Variants in CADM2 observed in about 807,000 individuals in gnomAD.
CADM2 encodes the protein immunoglobulin superfamily member 4D.
A neutral mutation model predicts 49.8 loss-of-function variants in CADM2; 12 were observed. That is an observed-to-expected ratio of 0.24 (90% CI 0.15 to 0.39). CADM2 has a LOEUF of 0.39. Among genes scored for constraint, CADM2 ranks in the 10% least tolerant of loss-of-function variants. CADM2 has a pLI of 1.00. For missense variants in CADM2, 378 were observed against 492.3 expected (o/e 0.77, Z 2.20); for synonymous variants, 214 against 175.4 (o/e 1.22, Z -1.74).
Position 85,873,980 on chromosome 3 carries a change from T to A in CADM2, c.239-9311T>A, listed in dbSNP as rs1711502967. ...TTCCGTAGCAAAAATATATTGGCAA[T>A]GAAAAATATTAAACTCATTTCATAG... is the stretch of plus-strand genomic sequence containing the variant. On this transcript the variant is annotated intron_variant, in intron 3 of 9. Transcript: ENST00000383699. 8.5e-5 allele frequency among the ~76,000 whole-genome samples: 13 copies of A among 152,124 alleles called. 1 individual carries two copies. In the South Asian group the frequency reaches 2.7e-3, roughly 31 times the overall value.
At chr3:85,920,527 G>C (rs1345715139) in intron 6 of CADM2, among the ~76,000 whole-genome samples, 2 of 151,736 alleles carry the variant, frequency 1.3e-5, no homozygotes, top group Non-Finnish European at 3.0e-5. Context: ...AATAAAGATA[G>C]CCTAGAGTGT....
intron 1 of CADM2, among the ~76,000 whole-genome samples, chr3:85,442,795 G>T (rs891251346): frequency 7.3e-5 from 11 of 151,120 alleles, no homozygotes; most frequent in Non-Finnish European, 1.6e-4. Flanking sequence ...TGAATATTTT[G>T]AAGAGAACTT....
chr3:85,409,871 C>T (rs2035578005), intron 1 of CADM2, among the ~76,000 whole-genome samples: 2 of 152,050 alleles, frequency 1.3e-5, no homozygotes, highest in Admixed American at 1.3e-4. Flanking sequence ...AGGAAAAAAA[C>T]TCAAAATCAA....
chr3:85,466,914 CTT>C (rs946195983), intron 1 of CADM2, among the ~76,000 whole-genome samples: 14 of 151,976 alleles, frequency 9.2e-5, no homozygotes, highest in African/African-American at 3.1e-4. Context: ...TTGGAACTAA[CTT>C]AACATTTTGA....
Position 85,550,040 on chromosome 3 carries a change from A to G in CADM2, c.62-176482A>G, listed in dbSNP as rs186326279. 3.3e-5 allele frequency among the ~76,000 whole-genome samples: 5 copies of G among 152,274 alleles called. No individual in the cohort carries two copies. The East Asian group carries it at 9.7e-4, about 29-fold the overall frequency. ...TATGTGACATAATATAATTTATTTC[A>G]TAATCCCAACACTCTTAGGAGGCAA... On this transcript the variant is annotated intron_variant, in intron 1 of 9. Coordinates refer to ENST00000383699, the MANE Select transcript of CADM2 (RefSeq NM_001167675.2).
intron 7 of CADM2, among the ~76,000 whole-genome samples, chr3:85,955,392 G>A: frequency 6.6e-6 from 1 of 151,456 alleles, no homozygotes; most frequent in East Asian, 2.0e-4. Flanking sequence ...TTCCACACCA[G>A]GAAGATTCTT....
intron 1 of CADM2, among the ~76,000 whole-genome samples, chr3:85,330,102 C>T (rs1160625462): frequency 6.6e-6 from 1 of 152,046 alleles, no homozygotes; most frequent in African/African-American, 2.4e-5. Flanking sequence ...ATTTCAGGTT[C>T]ACATAAAAGA....
intron 1 of CADM2, among the ~76,000 whole-genome samples, chr3:85,489,079 A>T (rs1445192398): frequency 3.9e-5 from 6 of 152,182 alleles, no homozygotes; most frequent in Non-Finnish European, 7.4e-5. Context: ...TATTCAACAA[A>T]TAAAATATCT....
intron 1 of CADM2, among the ~76,000 whole-genome samples, chr3:85,488,755 T>C (rs968686355): frequency 6.6e-6 from 1 of 151,970 alleles, no homozygotes; most frequent in Non-Finnish European, 1.5e-5. Context: ...TAGTCTTATC[T>C]CTTGACCTCA....
At chr3:85,816,186 T>G (rs749429936) in intron 3 of CADM2, among the ~76,000 whole-genome samples, 2 of 152,018 alleles carry the variant, frequency 1.3e-5, no homozygotes, top group Non-Finnish European at 2.9e-5. Flanking sequence ...CCCTCCCCCA[T>G]AGTGAATCTG....
chr3:85,619,092 T>G (rs1395909605), intron 1 of CADM2, among the ~76,000 whole-genome samples: 1 of 151,632 alleles, frequency 6.6e-6, no homozygotes, highest in Non-Finnish European at 1.5e-5. Flanking sequence ...ATTATGAAAC[T>G]TATACTGGAG....
Position 85,523,709 on chromosome 3 carries a change from C to A in CADM2, c.62-202813C>A, listed in dbSNP as rs77009981. On this transcript the variant is annotated intron_variant, in intron 1 of 9. Transcript: ENST00000383699. The stretch of plus-strand genomic sequence containing the variant: ...TGATTTTATTATCTTCTTTTTACTT[C>A]ATTTTTACTGATTTTATTATCTTCA... Among the ~76,000 whole-genome samples the A allele has an allele frequency of 2.1e-3, 324 of 152,034 alleles. 2 individuals are homozygous for A. The highest frequency in any genetic ancestry group is 7.6e-3 in the African/African-American group (314 of 41,526).
intron 1 of CADM2, among the ~76,000 whole-genome samples, chr3:85,484,193 C>T (rs889618062): frequency 1.3e-5 from 2 of 151,794 alleles, no homozygotes; most frequent in African/African-American, 4.8e-5. Flanking sequence ...TGAGCAATAC[C>T]CTTTGAATGA....
At chr3:85,675,195 G>C (rs529826743) in intron 1 of CADM2, among the ~76,000 whole-genome samples, 1 of 151,964 alleles carries the variant, frequency 6.6e-6, no homozygotes, top group Non-Finnish European at 1.5e-5. Context: ...CAAATCTCTG[G>C]TACTGATAAC....
chr3:86,021,728 T>C (rs888796019), intron 8 of CADM2, among the ~76,000 whole-genome samples: 5 of 152,304 alleles, frequency 3.3e-5, no homozygotes, highest in Non-Finnish European at 7.4e-5. Context: ...TTTGATTGCA[T>C]ATATGTACCA....
At chr3:85,212,870 C>CTTTCT (rs2041825548) in intron 1 of CADM2, among the ~76,000 whole-genome samples, 1 of 124,024 alleles carries the variant, frequency 8.1e-6, no homozygotes, top group South Asian at 2.4e-4. Context: ...TTCTTTCTTT[C>CTTTCT]TTTCTTTCTT....
intron 1 of CADM2, among the ~76,000 whole-genome samples, chr3:85,178,033 A>G (rs977898405): frequency 3.9e-5 from 6 of 151,950 alleles, no homozygotes; most frequent in Admixed American, 1.3e-4. Flanking sequence ...GGAGATGCAA[A>G]TAATTTTCTG....
intron 1 of CADM2, among the ~76,000 whole-genome samples, chr3:85,526,616 T>TA (rs1256304630): frequency 6.6e-6 from 1 of 152,112 alleles, no homozygotes; most frequent in African/African-American, 2.4e-5. Flanking sequence ...TTTCTTCACA[T>TA]AAAAAAACTG....
At chr3:85,680,476 A>G (rs2066009648) in intron 1 of CADM2, among the ~76,000 whole-genome samples, 1 of 152,164 alleles carries the variant, frequency 6.6e-6, no homozygotes, top group Admixed American at 6.5e-5. Context: ...TGAGTTGAAT[A>G]CTTTGTTAGA....
Sources: allele counts gnomAD v4.1 joint callset (sites outside exome capture counted in the v4.1 genomes callset), GRCh38; gene constraint gnomAD v4.1.1; transcripts MANE v1.5; gene names NCBI Gene and HGNC (gene_info 2026-07-23, HGNC 2026-07-21).